DNAH9: variants seen among roughly 807,000 people sequenced by gnomAD.
The protein encoded by DNAH9 is DNAH9 variant protein.
In DNAH9, 345 loss-of-function variants were observed where a neutral mutation model predicts 471.6. The observed-to-expected ratio is 0.73, with a 90% CI of 0.67 to 0.80. The LOEUF (loss-of-function observed/expected upper bound fraction) is 0.80, where lower values mean the gene tolerates loss of function less well. Among genes scored for constraint, DNAH9 ranks in the 30% least tolerant of loss-of-function variants. The pLI is 0.00. For synonymous variants in DNAH9, 2,093 were observed against 2,123.6 expected (o/e 0.99, Z 0.40); for missense variants, 5,407 against 5,609.2 (o/e 0.96, Z 1.15).
chr17:11,706,619 G>A (rs1480462314), intron 26 of DNAH9, among the ~76,000 whole-genome samples: 1 of 152,190 alleles, frequency 6.6e-6, no homozygotes, highest in Non-Finnish European at 1.5e-5. Flanking sequence ...TCAGGGAAGA[G>A]ATGGTATTTG....
At chr17:11,898,080 C>CT (rs1372764264) in intron 59 of DNAH9, among the ~76,000 whole-genome samples, 2 of 151,902 alleles carry the variant, frequency 1.3e-5, no homozygotes, top group Non-Finnish European at 2.9e-5. Context: ...GTCTGGCTGT[C>CT]TTCTGTGTCC....
intron 50 of DNAH9, among the ~76,000 whole-genome samples, chr17:11,867,622 A>AT (rs1567861237): frequency 6.6e-6 from 1 of 151,824 alleles, no homozygotes; most frequent in African/African-American, 2.4e-5. Context: ...TTCCTAGGTC[A>AT]TTTTTTTCAT....
At chr17:11,954,138 G>A (rs1216199835) in intron 67 of DNAH9, 1 of 139,540 alleles carries the variant, frequency 7.2e-6, no homozygotes, top group Non-Finnish European at 1.6e-5. Flanking sequence ...CATGTAATTG[G>A]TGTCCCAAAA....
chr17:11,622,897 G>T (rs1014919205), intron 6 of DNAH9, among the ~76,000 whole-genome samples: 6 of 151,366 alleles, frequency 4.0e-5, no homozygotes, highest in African/African-American at 1.5e-4. Flanking sequence ...CTTACGTGTC[G>T]TTCTGTCCTT....
At chr17:11,617,147 C>T (rs1237047449) in intron 4 of DNAH9, among the ~76,000 whole-genome samples, 1 of 152,082 alleles carries the variant, frequency 6.6e-6, no homozygotes, top group African/African-American at 2.4e-5. Flanking sequence ...TATTTACTAC[C>T]CACCAAGCAC....
chr17:11,967,437 C>T (rs1449434782), intron 68 of DNAH9, among the ~76,000 whole-genome samples: 5 of 151,926 alleles, frequency 3.3e-5, no homozygotes, highest in Admixed American at 6.6e-5. Flanking sequence ...CCCAAGGCAA[C>T]CACTAATAAT....
chr17:11,780,889 C>T (rs1309960955), intron 38 of DNAH9, 120 bp from the exon 39 acceptor site: 50 of 1,006,900 alleles, frequency 5.0e-5, no homozygotes, highest in Admixed American at 3.0e-4. Context: ...TTGTCTTTCG[C>T]GTTGCTGTTT....
At chr17:11,847,295 C>T (rs1455771496) in intron 49 of DNAH9, among the ~76,000 whole-genome samples, 1 of 152,136 alleles carries the variant, frequency 6.6e-6, no homozygotes, top group African/African-American at 2.4e-5. Context: ...TTCCTATGTC[C>T]AGAATGGTAT....
intron 48 of DNAH9, among the ~76,000 whole-genome samples, chr17:11,823,958 A>G (rs2150943162): frequency 6.6e-6 from 1 of 151,952 alleles, no homozygotes; most frequent in South Asian, 2.1e-4. Context: ...AAAAAAAGAA[A>G]GAAAGAAATC....
Position 11,952,879 on chromosome 17 carries a change from A to T in DNAH9, c.12844-8988A>T, listed in dbSNP as rs77255719. On this transcript the variant is annotated intron_variant, in intron 67 of 68. Coordinates refer to ENST00000262442, the MANE Select transcript of DNAH9 (RefSeq NM_001372.4). The stretch of plus-strand genomic sequence containing the variant: ...AGATATTTATTTCTCACAGTTGTGG[A>T]GGCTCAAAGTCTAAGCTCAAGCACC... Among the ~76,000 whole-genome samples the T allele has an allele frequency of 7.4e-3, 1,121 of 152,222 alleles. 15 individuals are homozygous for T. The highest frequency in any genetic ancestry group is 0.026 in the African/African-American group (1,079 of 41,526).
chr17:11,903,023 T>C (rs1973465596), intron 60 of DNAH9, 111 bp downstream of exon 60: 1 of 1,221,684 alleles, frequency 8.2e-7, no homozygotes, highest in Non-Finnish European at 1.1e-6. Context: ...AGTAGTTTCC[T>C]GGAGCTAGAG....
chr17:11,702,013 G>A (rs1469470219), intron 24 of DNAH9, among the ~76,000 whole-genome samples: 1 of 152,118 alleles, frequency 6.6e-6, no homozygotes, highest in African/African-American at 2.4e-5. Context: ...GAGGCTCAGG[G>A]TACTCTGGGA....
intron 7 of DNAH9, among the ~76,000 whole-genome samples, chr17:11,631,933 G>A (rs1347097711): frequency 2.0e-5 from 3 of 151,162 alleles, no homozygotes; most frequent in Admixed American, 6.6e-5. Context: ...CGTGCTAAGA[G>A]AAATACATTA....
chr17:11,668,316 GTATGGCT>G (rs1486216215), intron 15 of DNAH9, among the ~76,000 whole-genome samples: 2 of 152,196 alleles, frequency 1.3e-5, no homozygotes, highest in Non-Finnish European at 2.9e-5. Context: ...AAGTGGAATT[GTATGGCT>G]TGTGCCTAGG....
At chr17:11,782,464 C>T (rs573468863) in intron 39 of DNAH9, among the ~76,000 whole-genome samples, 1 of 152,292 alleles carries the variant, frequency 6.6e-6, no homozygotes, top group South Asian at 2.1e-4. Flanking sequence ...TACAACTCAC[C>T]CGTGTCCCCA....
chr17:11,742,894 A>C (rs1254767240), intron 30 of DNAH9, among the ~76,000 whole-genome samples: 1 of 152,226 alleles, frequency 6.6e-6, no homozygotes, highest in Non-Finnish European at 1.5e-5. Context: ...ACTGCCATAA[A>C]ACAGGCTCTC....
intron 19 of DNAH9, among the ~76,000 whole-genome samples, chr17:11,689,160 C>T (rs1567719646): frequency 6.6e-6 from 1 of 152,018 alleles, no homozygotes; most frequent in Non-Finnish European, 1.5e-5. Flanking sequence ...TGGCAAGGCC[C>T]TTGGCTTTCC....
At chr17:11,707,014 T>C (rs183743151) in intron 26 of DNAH9, among the ~76,000 whole-genome samples, 76 of 152,328 alleles carry the variant, frequency 5.0e-4, no homozygotes, top group Non-Finnish European at 8.7e-4. Context: ...GTGAAATCTG[T>C]ACTTTATGAA....
chr17:11,803,961 A>G (rs747118907), intron 43 of DNAH9, among the ~76,000 whole-genome samples: 2 of 152,248 alleles, frequency 1.3e-5, no homozygotes, highest in African/African-American at 4.8e-5. Flanking sequence ...CAAAGCAGAT[A>G]ACCCCTTGCA....
Sources: gnomAD v4.1 joint callset for allele counts (sites outside exome capture counted in the v4.1 genomes callset) on GRCh38, gnomAD v4.1.1 for gene constraint, MANE v1.5 for transcripts, NCBI Gene and HGNC (gene_info 2026-07-23, HGNC 2026-07-21) for gene names.